MFN1: variants seen among roughly 807,000 people sequenced by gnomAD.
MFN1 encodes mitofusin 1, also known as mitofusin-1.
In MFN1, 65 loss-of-function variants were observed where a neutral mutation model predicts 92.4. The ratio of observed to expected loss-of-function variants is 0.70; its 90% CI spans 0.58 to 0.86. The LOEUF is 0.86. Among genes scored for constraint, MFN1 ranks in the 40% least tolerant of loss-of-function variants. The pLI, the probability that MFN1 is intolerant of heterozygous loss-of-function variation, is 0.00. For synonymous variants in MFN1, 297 were observed against 300.9 expected (o/e 0.99, Z 0.13); for missense variants, 781 against 868.0 (o/e 0.90, Z 1.26).
chr3:179,386,752 G>A (rs1713701953), intron 16 of MFN1, 123 bp downstream of exon 16: 2 of 881,516 alleles, frequency 2.3e-6, no homozygotes, highest in Non-Finnish European at 3.5e-6. Context: ...GTTTCGTGAT[G>A]GCCATAAATG....
rs1713986690 is a variant in MFN1 at position 179,393,549 on chromosome 3, C to T, written c.*1490C>T. 6.6e-6 allele frequency: 1 copy of T among 152,048 alleles called. No homozygotes were observed. The highest frequency in any genetic ancestry group is 1.5e-5 in the Non-Finnish European group (1 of 68,006). 9.4% of individuals were successfully genotyped at this position (152,048 alleles called of 1,614,324 possible). ...AGAAGATAACACTAGGCCATTGAAGCCTTTCAAAAATATATTTTTATGCAA... is the reference window on the plus strand; with the variant it reads ...AGAAGATAACACTAGGCCATTGAAGTCTTTCAAAAATATATTTTTATGCAA... On this transcript the variant is annotated 3_prime_UTR_variant, in exon 18 of 18. Coordinates refer to ENST00000471841, the MANE Select transcript of MFN1 (RefSeq NM_033540.3).
At chr3:179,364,179 A>T (rs1712691965) in intron 5 of MFN1, 118 bp from the exon 6 acceptor site, 1 of 598,208 alleles carries the variant, frequency 1.7e-6, no homozygotes, top group Non-Finnish European at 2.8e-6. Flanking sequence ...CTTCTTACAG[A>T]TGACAGCTGG....
intron 3 of MFN1, among the ~76,000 whole-genome samples, chr3:179,356,341 G>A (rs1712342946): frequency 6.6e-6 from 1 of 152,206 alleles, no homozygotes; most frequent in Non-Finnish European, 1.5e-5. Context: ...TAAACTCATG[G>A]TTACGCTGGG....
chr3:179,349,591 C>T lies in MFN1; in HGVS notation c.112+628C>T, dbSNP rs181072434. 3.3e-5 allele frequency among the ~76,000 whole-genome samples: 5 copies of T among 152,036 alleles called. No homozygotes were observed. In the East Asian group the frequency reaches 9.7e-4, roughly 30 times the overall value. ...TGGCATGTTCTTGGCTCACTGCAGCCTCCACTTCCTGGGTTCAAGCGATTC... is the reference window on the plus strand; with the variant it reads ...TGGCATGTTCTTGGCTCACTGCAGCTTCCACTTCCTGGGTTCAAGCGATTC... On this transcript the variant is annotated intron_variant, in intron 2 of 17. Transcript: ENST00000471841.
chr3:179,376,162 A>G (rs976932763), intron 10 of MFN1, among the ~76,000 whole-genome samples: 2 of 152,180 alleles, frequency 1.3e-5, no homozygotes, highest in African/African-American at 4.8e-5. Flanking sequence ...TTATAATGGT[A>G]CTTTCTTAGG....
At chr3:179,389,492 A>G (rs974961563) in intron 16 of MFN1, among the ~76,000 whole-genome samples, 1 of 152,198 alleles carries the variant, frequency 6.6e-6, no homozygotes, top group South Asian at 2.1e-4. Context: ...TATTAAAAGA[A>G]TGACACATGC....
rs1207062759 is a variant in MFN1, at chr3:179,348,856, C to T, written c.5C>T (p.Ala2Val). The T allele has an allele frequency of 6.2e-7, 1 of 1,609,094 alleles. No individual in the cohort carries two copies. The highest frequency in any genetic ancestry group is 1.3e-5 in the African/African-American group (1 of 74,882). The change falls in exon 2 of 18, where the codon GCA becomes GTA. Residue 2 changes from alanine to valine, a missense_variant. Ala to Val is a moderately conservative substitution (Grantham distance 64). Transcript: ENST00000471841. ...TTATCTCCCTCTAGTAGCATAATGG[C>T]AGAACCTGTTTCTCCACTGAAGCAC... M[A>V]EPVSPLKHFV...
At chr3:179,351,528 T>C (rs528909986) in intron 2 of MFN1, among the ~76,000 whole-genome samples, 1 of 152,296 alleles carries the variant, frequency 6.6e-6, no homozygotes, top group South Asian at 2.1e-4. Context: ...CTTTTTTCTC[T>C]CAGTATGTGG....
At chr3:179,374,354 TAACA>T in intron 9 of MFN1, among the ~76,000 whole-genome samples, 1 of 141,614 alleles carries the variant, frequency 7.1e-6, no homozygotes, top group Non-Finnish European at 1.5e-5. Flanking sequence ...ATAACATATA[TAACA>T]TATATATGTA....
chr3:179,370,469 C>T (rs749601910), intron 9 of MFN1, among the ~76,000 whole-genome samples: 2 of 137,074 alleles, frequency 1.5e-5, no homozygotes, highest in Admixed American at 8.6e-5. Context: ...GTGAGTGCAG[C>T]GGCGCGATGT....
intron 5 of MFN1, among the ~76,000 whole-genome samples, chr3:179,362,876 A>G (rs761951741): frequency 1.3e-5 from 2 of 152,156 alleles, no homozygotes; most frequent in Non-Finnish European, 2.9e-5. Flanking sequence ...TTTCCTTTTA[A>G]ATGGAAATGA....
At chr3:179,382,135 A>G (rs760035144) in intron 14 of MFN1, among the ~76,000 whole-genome samples, 19 of 152,004 alleles carry the variant, frequency 1.2e-4, no homozygotes, top group Admixed American at 5.2e-4. Flanking sequence ...GGTTTGTTAC[A>G]TATGTATACA....
rs1437403851 is a variant in MFN1 at position 179,353,894 on chromosome 3, A to G, written c.248+1859A>G. ...TACGTCTAGTGCCTTCTCATTCTTC[A>G]TATTTCATCCTAAATGTTACTACCT... On this transcript the variant is annotated intron_variant, in intron 3 of 17. Transcript: ENST00000471841. Among the ~76,000 whole-genome samples the G allele has an allele frequency of 2.6e-5, 4 of 152,188 alleles. No individual in the cohort carries two copies. The East Asian group carries it at 7.7e-4, about 29-fold the overall frequency.
intron 5 of MFN1, 21 bp downstream of exon 5, chr3:179,362,503 C>A: frequency 6.2e-7 from 1 of 1,606,326 alleles, no homozygotes; most frequent in Non-Finnish European, 8.5e-7. Context: ...ATGTGGATTG[C>A]ATTTTCTCTG....
intron 7 of MFN1, among the ~76,000 whole-genome samples, chr3:179,366,893 C>T (rs542403049): frequency 6.6e-6 from 1 of 152,244 alleles, no homozygotes; most frequent in East Asian, 1.9e-4. Context: ...ATTCTAATGC[C>T]TGGTTAATGC....
At chr3:179,371,448 A>G (rs577147197) in intron 9 of MFN1, among the ~76,000 whole-genome samples, 1 of 152,248 alleles carries the variant, frequency 6.6e-6, no homozygotes, top group South Asian at 2.1e-4. Context: ...GGCTGTGGTG[A>G]TGGTGAGCTA....
intron 1 of MFN1, 33 bp from the exon 2 acceptor site, chr3:179,348,812 A>C (rs766282809): frequency 2.6e-5 from 41 of 1,600,976 alleles, no homozygotes; most frequent in Non-Finnish European, 3.2e-5. Flanking sequence ...CATCCACTTT[A>C]GTTGGTGCTT....
intron 14 of MFN1, among the ~76,000 whole-genome samples, chr3:179,381,749 A>C (rs1277415464): frequency 6.6e-6 from 1 of 152,250 alleles, no homozygotes; most frequent in African/African-American, 2.4e-5. Context: ...TATTGGATAA[A>C]ATTACCTTCA....
At position 179,362,375 on chromosome 3, in the gene MFN1, C is replaced by G; in HGVS notation, c.429C>G (p.Ala143=). The G allele has an allele frequency of 6.2e-7, 1 of 1,610,848 alleles. No homozygotes were observed. Among genetic ancestry groups the G allele is most frequent in the East Asian group, 2.2e-5 (1 of 44,790 alleles). Reference sequence around the variant, plus strand: ...TGCTTTAGACAGTTAATCAACTGGCCCATGCCCTTCACATGGACAAAGATT... The same window carrying G: ...TGCTTTAGACAGTTAATCAACTGGCGCATGCCCTTCACATGGACAAAGATT... ...KKSVKTVNQL[A]HALHMDKDLK... Residue 143 remains alanine (A), a synonymous_variant, in exon 5 of 18, where the codon GCC becomes GCG. Coordinates refer to ENST00000471841, the MANE Select transcript of MFN1 (RefSeq NM_033540.3).
Sources: gnomAD v4.1 joint callset for allele counts (sites outside exome capture counted in the v4.1 genomes callset) on GRCh38, gnomAD v4.1.1 for gene constraint, MANE v1.5 for transcripts, NCBI Gene and HGNC (gene_info 2026-07-23, HGNC 2026-07-21) for gene names.